Variants in GXYLT1 observed in about 807,000 individuals in gnomAD.
GXYLT1 encodes the protein glucoside xylosyltransferase 1, also known as glycosyltransferase 8 domain containing 3.
A neutral mutation model predicts 54.0 loss-of-function variants in GXYLT1; 29 were observed. That is an observed-to-expected ratio of 0.54 (90% confidence interval 0.40 to 0.73). GXYLT1 has a LOEUF of 0.73. Among genes scored for constraint, GXYLT1 ranks in the 30% least tolerant of loss-of-function variants. The probability of loss-of-function intolerance (pLI) is 0.00; values close to 1 mark genes in which losing one functional copy is unlikely to be tolerated. For synonymous variants in GXYLT1, 176 were observed against 204.1 expected (o/e 0.86, Z 1.17); for missense variants, 490 against 553.4 (o/e 0.89, Z 1.15).
In GXYLT1 at chr12:42,086,037, T is replaced by C. The variant is rs2065291244; in HGVS notation, c.*1749A>G. The C allele has an allele frequency of 6.6e-6, 1 of 152,128 alleles. No individual in the cohort carries two copies. Among genetic ancestry groups the C allele is most frequent in the Non-Finnish European group, 1.5e-5 (1 of 68,016 alleles). The allele number at this position is 152,128 out of a possible 1,614,324, so 9.4% of individuals were successfully genotyped here. ...AGTCTCCAAAGGCCTAGCTCAGGAA[T>C]CTATTCTTAAGCTCCCAACAAGAAT... On this transcript the variant is annotated 3_prime_UTR_variant, in exon 8 of 8. Transcript: ENST00000398675.
intron 1 of GXYLT1, among the ~76,000 whole-genome samples, chr12:42,135,834 G>A (rs2065616668): frequency 6.6e-6 from 1 of 152,150 alleles, no homozygotes. Flanking sequence ...TGGATACAGG[G>A]TTTCTTTGGG....
chr12:42,119,955 G>A (rs1437378910), intron 2 of GXYLT1, among the ~76,000 whole-genome samples: 1 of 151,954 alleles, frequency 6.6e-6, no homozygotes, highest in Non-Finnish European at 1.5e-5. Flanking sequence ...CACAAAAAAT[G>A]ACAACTTTCT....
intron 5 of GXYLT1, among the ~76,000 whole-genome samples, chr12:42,098,664 C>T (rs2065371390): frequency 6.7e-6 from 1 of 150,184 alleles, no homozygotes; most frequent in Non-Finnish European, 1.5e-5. Flanking sequence ...AAAATTCTCA[C>T]AGAGAACTGG....
Position 42,108,385 on chromosome 12 carries a change from G to C in GXYLT1, c.612+1181C>G, listed in dbSNP as rs970698090. On this transcript the variant is annotated intron_variant, in intron 4 of 7. Transcript: ENST00000398675. ...GTCTGTCTCCCACATCAGACAACAAGCTCTATGAAAAGAGGAAACCTGTGT... is the reference window on the plus strand; with the variant it reads ...GTCTGTCTCCCACATCAGACAACAACCTCTATGAAAAGAGGAAACCTGTGT... Among the ~76,000 whole-genome samples the C allele has an allele frequency of 3.3e-5, 5 of 152,244 alleles. No homozygotes were observed. In the South Asian group the frequency reaches 1.0e-3, roughly 32 times the overall value.
chr12:42,110,621 T>A (rs1299280062), intron 3 of GXYLT1, among the ~76,000 whole-genome samples: 4 of 152,150 alleles, frequency 2.6e-5, no homozygotes, highest in Non-Finnish European at 5.9e-5. Flanking sequence ...ATGATTATGG[T>A]TCACTGCAGC....
At chr12:42,144,282 GA>G in intron 1 of GXYLT1, 143 bp downstream of exon 1, 1 of 433,248 alleles carries the variant, frequency 2.3e-6, no homozygotes, top group South Asian at 4.1e-5. Context: ...GGCCGGAGGG[GA>G]AGGAGGGAAA....
chr12:42,138,636 C>G (rs1190418579), intron 1 of GXYLT1, among the ~76,000 whole-genome samples: 2 of 152,116 alleles, frequency 1.3e-5, no homozygotes, highest in Non-Finnish European at 2.9e-5. Flanking sequence ...AATCATAAAC[C>G]TCATACAGTA....
chr12:42,121,431 A>G (rs2065530634), intron 2 of GXYLT1, among the ~76,000 whole-genome samples: 1 of 152,102 alleles, frequency 6.6e-6, no homozygotes, highest in Non-Finnish European at 1.5e-5. Context: ...CCAGAGTTTG[A>G]GACCAACCTG....
chr12:42,111,300 C>G (rs1011470562), intron 3 of GXYLT1, among the ~76,000 whole-genome samples: 1 of 152,240 alleles, frequency 6.6e-6, no homozygotes, highest in African/African-American at 2.4e-5. Context: ...GTGGCTGCAG[C>G]GCACCGTGCG....
At position 42,085,693 on chromosome 12, in the gene GXYLT1, G is replaced by C. The variant is rs533121424; in HGVS notation, c.*2093C>G. 7.9e-5 allele frequency: 12 copies of C among 152,330 alleles called. No individual in the cohort carries two copies. In the South Asian group the frequency reaches 1.4e-3, roughly 18 times the overall value. 9.4% of individuals were successfully genotyped at this position (152,330 alleles called of 1,614,324 possible). ...TCTGTTGATTCTAACAAACCAACTA[G>C]AAGATGATTTTTGAGATAATCAGGG... On this transcript the variant is annotated 3_prime_UTR_variant, in exon 8 of 8. Coordinates refer to ENST00000398675, the MANE Select transcript of GXYLT1 (RefSeq NM_173601.2).
At chr12:42,088,098 A>G (rs926573207) in intron 7 of GXYLT1, 151 bp from the exon 8 acceptor site, 14 of 462,142 alleles carry the variant, frequency 3.0e-5, no homozygotes, top group Non-Finnish European at 4.5e-5. Context: ...AATATTTTCA[A>G]TAAATTAAAC....
intron 1 of GXYLT1, among the ~76,000 whole-genome samples, chr12:42,140,240 T>TAGTG (rs2065644608): frequency 1.5e-5 from 1 of 67,408 alleles, no homozygotes; most frequent in Non-Finnish European, 2.8e-5. Flanking sequence ...AGTGTGAAAA[T>TAGTG]AGTGCCCAAA....
intron 7 of GXYLT1, among the ~76,000 whole-genome samples, chr12:42,095,681 ATGTTATTC>A: frequency 6.6e-6 from 1 of 152,236 alleles, no homozygotes; most frequent in East Asian, 1.9e-4. Flanking sequence ...GTAAACCCTT[ATGTTATTC>A]TGACTTTGTG....
intron 5 of GXYLT1, among the ~76,000 whole-genome samples, chr12:42,100,938 AAT>A (rs1209398561): frequency 1.3e-5 from 2 of 151,814 alleles, no homozygotes; most frequent in Admixed American, 1.3e-4. Flanking sequence ...ATATAAATCA[AAT>A]ATATATATTT....
In GXYLT1 at chr12:42,093,853, A is replaced by C. The variant is rs144509542; in HGVS notation, c.1161+3589T>G. 2.8e-3 allele frequency among the ~76,000 whole-genome samples: 431 copies of C among 152,272 alleles called. 2 individuals are homozygous for C. Among genetic ancestry groups the C allele is most frequent in the African/African-American group, 9.3e-3 (385 of 41,550 alleles). On this transcript the variant is annotated intron_variant, in intron 7 of 7. Transcript: ENST00000398675. The stretch of plus-strand genomic sequence containing the variant: ...GCGCCCAGCCAAAGATAGATTCTTA[A>C]GTAAATGGTGTAGAGACAAAAGGAT...
At chr12:42,096,869 A>T (rs1311512477) in intron 7 of GXYLT1, among the ~76,000 whole-genome samples, 1 of 152,166 alleles carries the variant, frequency 6.6e-6, no homozygotes, top group Non-Finnish European at 1.5e-5. Flanking sequence ...TATGACTATG[A>T]GGGCCTGAGA....
intron 3 of GXYLT1, 129 bp from the exon 4 acceptor site, chr12:42,109,820 G>T: frequency 1.8e-6 from 1 of 562,006 alleles, no homozygotes. Context: ...TAAAATTAAA[G>T]GAAAGATTCT....
chr12:42,104,187 T>C (rs914251903), intron 5 of GXYLT1, among the ~76,000 whole-genome samples: 6 of 152,134 alleles, frequency 3.9e-5, no homozygotes, highest in African/African-American at 1.4e-4. Context: ...ATATTATCTC[T>C]ATAGTTCTTT....
intron 3 of GXYLT1, among the ~76,000 whole-genome samples, chr12:42,116,665 T>C (rs1156717068): frequency 1.3e-5 from 2 of 152,172 alleles, no homozygotes; most frequent in Non-Finnish European, 2.9e-5. Flanking sequence ...TAGGAACACT[T>C]TGACACTGTT....
Sources: gnomAD v4.1 joint callset for allele counts (sites outside exome capture counted in the v4.1 genomes callset) on GRCh38, gnomAD v4.1.1 for gene constraint, MANE v1.5 for transcripts, NCBI Gene and HGNC (gene_info 2026-07-23, HGNC 2026-07-21) for gene names.